Variants in CDKAL1 observed in about 807,000 individuals in gnomAD.
CDKAL1 encodes the protein threonylcarbamoyladenosine tRNA methylthiotransferase.
CDKAL1 carries 32 observed loss-of-function variants against 68.2 expected under a neutral mutation model. The observed-to-expected ratio is 0.47, with a 90% CI of 0.35 to 0.63. The LOEUF is 0.63. Ranked by LOEUF, CDKAL1 falls within the 30% of genes least tolerant of loss-of-function variation. CDKAL1 has a pLI of 0.00. For missense variants in CDKAL1, 606 were observed against 696.7 expected, an observed-to-expected ratio of 0.87 and a Z score of 1.47; for synonymous variants, 234 against 244.3, an observed-to-expected ratio of 0.96 and a Z score of 0.39.
chr6:20,827,687 C>T (rs1024786607), intron 8 of CDKAL1, among the ~76,000 whole-genome samples: 4 of 151,942 alleles, frequency 2.6e-5, no homozygotes, highest in African/African-American at 9.7e-5. Context: ...CTTCTGTGTT[C>T]GTTTAACATT....
At chr6:20,543,300 C>T (rs1164739313) in intron 2 of CDKAL1, among the ~76,000 whole-genome samples, 1 of 152,190 alleles carries the variant, frequency 6.6e-6, no homozygotes, top group African/African-American at 2.4e-5. Flanking sequence ...ATGAATGATG[C>T]AGTTTCTTTG....
intron 12 of CDKAL1, among the ~76,000 whole-genome samples, chr6:21,084,059 G>C (rs1327939128): frequency 6.6e-6 from 1 of 152,168 alleles, no homozygotes; most frequent in Non-Finnish European, 1.5e-5. Flanking sequence ...ATAAGAACTT[G>C]TAATCCCAAG....
At chr6:21,216,855 A>C (rs755336184) in intron 15 of CDKAL1, among the ~76,000 whole-genome samples, 27 of 152,272 alleles carry the variant, frequency 1.8e-4, no homozygotes, top group Non-Finnish European at 3.4e-4. Flanking sequence ...GTGGCCACTT[A>C]TCTGCAATCA....
At chr6:20,685,875 C>T (rs1770595426) in intron 5 of CDKAL1, among the ~76,000 whole-genome samples, 2 of 152,118 alleles carry the variant, frequency 1.3e-5, no homozygotes, top group Admixed American at 1.3e-4. Flanking sequence ...AGGCATGAGC[C>T]ATCAAGCCTG....
intron 7 of CDKAL1, among the ~76,000 whole-genome samples, chr6:20,759,426 C>G (rs192833387): frequency 6.6e-6 from 1 of 152,130 alleles, no homozygotes; most frequent in Non-Finnish European, 1.5e-5. Flanking sequence ...CATGTAGACC[C>G]ATCTACTCAG....
intron 7 of CDKAL1, among the ~76,000 whole-genome samples, chr6:20,778,506 G>C (rs958792952): frequency 2.0e-5 from 3 of 152,342 alleles, no homozygotes; most frequent in Admixed American, 6.5e-5. Context: ...ACCAATGGGT[G>C]TATGTATGGA....
At chr6:20,875,338 C>T (rs989086379) in intron 9 of CDKAL1, among the ~76,000 whole-genome samples, 4 of 148,292 alleles carry the variant, frequency 2.7e-5, no homozygotes, top group African/African-American at 9.9e-5. Flanking sequence ...AAAAGTCTAG[C>T]CCTTTTGATA....
At chr6:21,041,709 T>C (rs1769943390) in intron 11 of CDKAL1, among the ~76,000 whole-genome samples, 1 of 152,264 alleles carries the variant, frequency 6.6e-6, no homozygotes, top group South Asian at 2.1e-4. Flanking sequence ...ATAAAGGTTT[T>C]TGTATAGCAT....
At chr6:20,800,516 A>G (rs1776323229) in intron 8 of CDKAL1, 1 of 152,222 alleles carries the variant, frequency 6.6e-6, no homozygotes, top group African/African-American at 2.4e-5. Flanking sequence ...ATTGTCTCTT[A>G]TGATGATGTT....
chr6:21,141,730 G>T (rs953023836), intron 13 of CDKAL1, among the ~76,000 whole-genome samples: 1 of 152,102 alleles, frequency 6.6e-6, no homozygotes, highest in Admixed American at 6.6e-5. Flanking sequence ...CACATAAAAG[G>T]GTTAGCTCAG....
At chr6:20,614,451 C>G (rs9356739) in intron 4 of CDKAL1, among the ~76,000 whole-genome samples, 42,649 of 151,950 alleles carry the variant, frequency 0.28, 6,507 homozygotes, top group East Asian at 0.53. Context: ...TCTCCTGATA[C>G]CATTTATTAA....
intron 4 of CDKAL1, among the ~76,000 whole-genome samples, chr6:20,568,850 C>T (rs12333291): frequency 0.019 from 2,839 of 152,198 alleles, 100 homozygotes; most frequent in African/African-American, 0.063. Context: ...CCTCATCAGA[C>T]TCTTCCTTAA....
chr6:20,868,233 A>C (rs1462624211), intron 9 of CDKAL1, among the ~76,000 whole-genome samples: 2 of 152,190 alleles, frequency 1.3e-5, no homozygotes, highest in East Asian at 3.8e-4. Context: ...TATCACCCCC[A>C]TTCTAAAAGT....
At chr6:20,845,255 G>A (rs1386507757) in intron 8 of CDKAL1, among the ~76,000 whole-genome samples, 1 of 151,924 alleles carries the variant, frequency 6.6e-6, no homozygotes, top group Non-Finnish European at 1.5e-5. Flanking sequence ...GTTCCTTTTT[G>A]TTTGGTTCAA....
chr6:20,586,991 T>TTG (rs1554158006), intron 4 of CDKAL1, among the ~76,000 whole-genome samples: 4 of 144,194 alleles, frequency 2.8e-5, no homozygotes, highest in African/African-American at 7.8e-5. Context: ...TTTTTTTTTT[T>TTG]TTTTTTTTTT....
chr6:20,901,415 C>T (rs1320308486), intron 9 of CDKAL1, among the ~76,000 whole-genome samples: 1 of 151,904 alleles, frequency 6.6e-6, no homozygotes, highest in East Asian at 1.9e-4. Context: ...TGGCTCACAC[C>T]TGTAATCCCA....
intron 4 of CDKAL1, among the ~76,000 whole-genome samples, chr6:20,580,856 C>T (rs1024203707): frequency 6.6e-6 from 1 of 151,662 alleles, no homozygotes; most frequent in Non-Finnish European, 1.5e-5. Flanking sequence ...ATGGTGCGAT[C>T]TCGGCTTACT....
At chr6:20,721,078 A>G (rs1293660803) in intron 5 of CDKAL1, among the ~76,000 whole-genome samples, 1 of 152,048 alleles carries the variant, frequency 6.6e-6, no homozygotes, top group East Asian at 1.9e-4. Context: ...GGTCATTTAC[A>G]TTAGGTATAT....
At chr6:20,955,296 A>G (rs1010924021) in intron 9 of CDKAL1, 123 bp from the exon 10 acceptor site, 4 of 975,222 alleles carry the variant, frequency 4.1e-6, no homozygotes, top group East Asian at 2.4e-5. Context: ...TTTCTCTGCA[A>G]TTGAATACCC....
Sources: gnomAD v4.1 joint callset for allele counts (sites outside exome capture counted in the v4.1 genomes callset) on GRCh38, gnomAD v4.1.1 for gene constraint, MANE v1.5 for transcripts, NCBI Gene and HGNC (gene_info 2026-07-23, HGNC 2026-07-21) for gene names.